Variants in ARHGAP15 observed in about 807,000 individuals in gnomAD.
ARHGAP15 encodes rho GTPase-activating protein 15.
A neutral mutation model predicts 63.7 loss-of-function variants in ARHGAP15; 51 were observed. That is an observed-to-expected ratio of 0.80 (90% CI 0.64 to 1.01). The LOEUF is 1.01. Among genes scored for constraint, ARHGAP15 ranks in the 50% least tolerant of loss-of-function variants. The probability of loss-of-function intolerance (pLI) is 0.00; values close to 1 mark genes in which losing one functional copy is unlikely to be tolerated. For missense variants in ARHGAP15, 560 were observed against 564.6 expected (o/e 0.99, Z 0.08); for synonymous variants, 191 against 193.8 (o/e 0.99, Z 0.12).
intron 12 of ARHGAP15, among the ~76,000 whole-genome samples, chr2:143,630,260 C>T (rs1180897163): frequency 1.3e-5 from 2 of 152,022 alleles, no homozygotes; most frequent in Non-Finnish European, 2.9e-5. Flanking sequence ...CATTTTAACC[C>T]TGCACTCTGA....
At chr2:143,236,026 C>A in intron 5 of ARHGAP15, 6 of 1,530,528 alleles carry the variant, frequency 3.9e-6, no homozygotes, top group Non-Finnish European at 5.3e-6. Context: ...TAAACAAAAC[C>A]CATTTGATGG....
At chr2:143,186,104 G>T (rs1323605137) in intron 2 of ARHGAP15, among the ~76,000 whole-genome samples, 1 of 152,046 alleles carries the variant, frequency 6.6e-6, no homozygotes, top group Non-Finnish European at 1.5e-5. Flanking sequence ...TGCTGAGTTG[G>T]GTGTGTCTTT....
intron 3 of ARHGAP15, among the ~76,000 whole-genome samples, chr2:143,208,131 A>AT (rs1378381369): frequency 6.6e-5 from 10 of 152,178 alleles, no homozygotes; most frequent in African/African-American, 1.9e-4. Flanking sequence ...TGGAGTTATT[A>AT]TCCATCATCT....
intron 9 of ARHGAP15, among the ~76,000 whole-genome samples, chr2:143,494,705 A>G (rs1157078692): frequency 6.6e-6 from 1 of 152,194 alleles, no homozygotes; most frequent in Non-Finnish European, 1.5e-5. Flanking sequence ...TTATTAAAGA[A>G]TGAGTCTCTG....
chr2:143,648,558 T>C (rs1482005955), intron 12 of ARHGAP15, among the ~76,000 whole-genome samples: 1 of 151,988 alleles, frequency 6.6e-6, no homozygotes, highest in Non-Finnish European at 1.5e-5. Flanking sequence ...TACTAAATCC[T>C]TGGGCTATTT....
At chr2:143,278,161 TTC>T (rs1434228897) in intron 6 of ARHGAP15, among the ~76,000 whole-genome samples, 4 of 152,218 alleles carry the variant, frequency 2.6e-5, no homozygotes, top group Non-Finnish European at 5.9e-5. Flanking sequence ...CAGTTGTTCC[TTC>T]TTCCTGTCCT....
At chr2:143,411,821 G>A (rs1396774735) in intron 6 of ARHGAP15, among the ~76,000 whole-genome samples, 1 of 152,168 alleles carries the variant, frequency 6.6e-6, no homozygotes, top group Non-Finnish European at 1.5e-5. Flanking sequence ...GAAAGTAATA[G>A]CAAGTAGTGA....
intron 6 of ARHGAP15, among the ~76,000 whole-genome samples, chr2:143,374,341 C>T (rs1686709872): frequency 6.6e-6 from 1 of 152,114 alleles, no homozygotes. Flanking sequence ...TGCTTATTCT[C>T]GCCATTTTCC....
chr2:143,702,626 G>T (rs371885439), intron 12 of ARHGAP15, among the ~76,000 whole-genome samples: 1 of 152,094 alleles, frequency 6.6e-6, no homozygotes, highest in East Asian at 1.9e-4. Flanking sequence ...TCCTCTTACA[G>T]TTATGGAGGG....
chr2:143,407,270 CAT>C (rs1378794987), intron 6 of ARHGAP15, among the ~76,000 whole-genome samples: 1 of 151,820 alleles, frequency 6.6e-6, no homozygotes, highest in Non-Finnish European at 1.5e-5. Flanking sequence ...AACTCAGCCT[CAT>C]AAGCTCTATT....
intron 10 of ARHGAP15, among the ~76,000 whole-genome samples, chr2:143,546,487 A>G (rs536727930): frequency 6.6e-6 from 1 of 152,290 alleles, no homozygotes; most frequent in South Asian, 2.1e-4. Flanking sequence ...CACAGAGTAC[A>G]GATTACTCCT....
At chr2:143,722,775 C>A (rs1005366171) in intron 13 of ARHGAP15, among the ~76,000 whole-genome samples, 12 of 152,012 alleles carry the variant, frequency 7.9e-5, no homozygotes, top group African/African-American at 2.9e-4. Flanking sequence ...AAGAGGGAAC[C>A]AGGATATAGG....
At chr2:143,259,195 G>A (rs1680588639) in intron 6 of ARHGAP15, among the ~76,000 whole-genome samples, 1 of 152,096 alleles carries the variant, frequency 6.6e-6, no homozygotes, top group Non-Finnish European at 1.5e-5. Flanking sequence ...GTACTGATAG[G>A]GGTGGCAGAA....
intron 2 of ARHGAP15, among the ~76,000 whole-genome samples, chr2:143,194,321 T>C (rs76068944): frequency 7.2e-4 from 109 of 152,330 alleles, no homozygotes; most frequent in African/African-American, 2.6e-3. Flanking sequence ...CTCCCTAAAC[T>C]ATTTCATTTT....
intron 9 of ARHGAP15, among the ~76,000 whole-genome samples, chr2:143,496,449 TTG>T (rs571201630): frequency 6.6e-6 from 1 of 152,132 alleles, no homozygotes; most frequent in Admixed American, 6.5e-5. Context: ...GAATGATAAA[TTG>T]GTTTCCCTGT....
chr2:143,244,151 T>C (rs902112087), intron 5 of ARHGAP15, among the ~76,000 whole-genome samples: 2 of 152,218 alleles, frequency 1.3e-5, no homozygotes, highest in East Asian at 3.8e-4. Context: ...TCATTCTCTA[T>C]CCAGTTCCTC....
intron 13 of ARHGAP15, among the ~76,000 whole-genome samples, chr2:143,728,820 C>A (rs1205312049): frequency 6.6e-6 from 1 of 152,208 alleles, no homozygotes; most frequent in South Asian, 2.1e-4. Context: ...GCAGATAATG[C>A]GTGAGCTACC....
chr2:143,461,411 G>A (rs1690935490), intron 8 of ARHGAP15, among the ~76,000 whole-genome samples: 1 of 151,750 alleles, frequency 6.6e-6, no homozygotes, highest in Non-Finnish European at 1.5e-5. Flanking sequence ...GTGGGGTAGT[G>A]AAGTTGTGAT....
intron 13 of ARHGAP15, among the ~76,000 whole-genome samples, chr2:143,724,404 G>A (rs185813228): frequency 3.9e-5 from 6 of 152,278 alleles, no homozygotes; most frequent in Admixed American, 6.5e-5. Flanking sequence ...AAGAGACAAA[G>A]TTGTTTCTTA....
Sources: allele counts gnomAD v4.1 joint callset (sites outside exome capture counted in the v4.1 genomes callset), GRCh38; gene constraint gnomAD v4.1.1; transcripts MANE v1.5; gene names NCBI Gene and HGNC (gene_info 2026-07-23, HGNC 2026-07-21).